Variants in CSNK1G3 observed in about 807,000 individuals in gnomAD.
CSNK1G3 encodes the protein casein kinase 1 gamma 3, also known as casein kinase I isoform gamma-3.
A neutral mutation model predicts 64.3 loss-of-function variants in CSNK1G3; 23 were observed. The ratio of observed to expected loss-of-function variants is 0.36; its 90% CI spans 0.26 to 0.51. CSNK1G3 has a LOEUF of 0.51. Among genes scored for constraint, CSNK1G3 ranks in the 20% least tolerant of loss-of-function variants. CSNK1G3 has a pLI of 0.96. For missense variants in CSNK1G3, 357 were observed against 510.5 expected (o/e 0.70, Z 2.90); for synonymous variants, 158 against 162.2 (o/e 0.97, Z 0.20).
rs1388183223 is a variant in CSNK1G3 at position 123,591,465 on chromosome 5, C to G, written c.1086+51C>G. 3 of 1,196,350 alleles carry G rather than the reference C, an allele frequency of 2.5e-6. No individual in the cohort carries two copies. In the African/African-American group the frequency reaches 4.7e-5, roughly 19 times the overall value. The allele number at this position is 1,196,350 out of a possible 1,614,324, so 74.1% of individuals were successfully genotyped here. A position where few individuals can be genotyped will look rare whatever the true frequency, so the allele number is the denominator to read the frequency against. On this transcript the variant is annotated intron_variant, in intron 10 of 12. Coordinates refer to ENST00000345990, the Ensembl canonical transcript of CSNK1G3. ...ACCTTCCTTTCATGATTGAAACATACACTTTTTTCTTCAATAGATAAAACA... is the reference window on the plus strand; with the variant it reads ...ACCTTCCTTTCATGATTGAAACATAGACTTTTTTCTTCAATAGATAAAACA...
chr5:123,591,563 A>G (rs1792375184), intron 10 of CSNK1G3, 149 bp downstream of exon 10: 1 of 535,970 alleles, frequency 1.9e-6, no homozygotes. Flanking sequence ...TATTAGTTTA[A>G]TAATAGCATT....
chr5:123,517,077 G>A (rs1367879884), intron 1 of CSNK1G3, among the ~76,000 whole-genome samples: 1 of 152,150 alleles, frequency 6.6e-6, no homozygotes, highest in Non-Finnish European at 1.5e-5. Flanking sequence ...CTTCATTTCA[G>A]AAGTTGCCGA....
intron 4 of CSNK1G3, among the ~76,000 whole-genome samples, chr5:123,565,343 T>C (rs1786651602): frequency 6.6e-6 from 1 of 152,208 alleles, no homozygotes; most frequent in Non-Finnish European, 1.5e-5. Flanking sequence ...CCTCAAGAGC[T>C]TCAGGCCACA....
chr5:123,587,152 C>G (rs1432107033), intron 6 of CSNK1G3, among the ~76,000 whole-genome samples: 1 of 152,166 alleles, frequency 6.6e-6, no homozygotes, highest in Admixed American at 6.5e-5. Flanking sequence ...CAGTAAAAAT[C>G]AAAACCTTTT....
At chr5:123,614,025 A>G (rs1159059888) in intron 12 of CSNK1G3, among the ~76,000 whole-genome samples, 1 of 152,222 alleles carries the variant, frequency 6.6e-6, no homozygotes, top group Admixed American at 6.5e-5. Flanking sequence ...TTCAACAGTC[A>G]CATATAAATA....
chr5:123,564,355 C>T (rs1786402557), intron 4 of CSNK1G3, among the ~76,000 whole-genome samples: 1 of 151,884 alleles, frequency 6.6e-6, no homozygotes, highest in African/African-American at 2.4e-5. Context: ...AAAAGCAAAC[C>T]ATACTTTTGA....
intron 2 of CSNK1G3, among the ~76,000 whole-genome samples, chr5:123,551,957 A>G (rs541185976): frequency 9.9e-5 from 15 of 152,098 alleles, no homozygotes; most frequent in Non-Finnish European, 2.1e-4. Flanking sequence ...AGTGCTTCCA[A>G]AATTCTCTTT....
intron 4 of CSNK1G3, among the ~76,000 whole-genome samples, chr5:123,568,824 C>T (rs150756984): frequency 3.3e-5 from 5 of 152,194 alleles, no homozygotes; most frequent in African/African-American, 4.8e-5. Context: ...TTTTTGAACT[C>T]GAATAAGAAA....
At chr5:123,540,829 G>A (rs1781564041) in intron 1 of CSNK1G3, among the ~76,000 whole-genome samples, 1 of 152,040 alleles carries the variant, frequency 6.6e-6, no homozygotes, top group African/African-American at 2.4e-5. Flanking sequence ...GTTTAACCAT[G>A]TTGGCCAGGC....
In CSNK1G3 at chr5:123,550,707, G is replaced by A. The variant is rs145535243; in HGVS notation, c.179-2400G>A. On this transcript the variant is annotated intron_variant, in intron 2 of 12. Coordinates refer to ENST00000345990, the Ensembl canonical transcript of CSNK1G3. Reference sequence around the variant, plus strand: ...AATTGGATTAAAACATCACTTAACCGGCACCAGTTTACTTGGATTTTTCTT... The same window carrying A: ...AATTGGATTAAAACATCACTTAACCAGCACCAGTTTACTTGGATTTTTCTT... Among the ~76,000 whole-genome samples the A allele has an allele frequency of 4.7e-4, 71 of 152,146 alleles. 1 individual carries two copies. In the East Asian group the frequency reaches 0.013, roughly 28 times the overall value.
chr5:123,536,701 T>C (rs536873176), intron 1 of CSNK1G3, among the ~76,000 whole-genome samples: 1 of 152,158 alleles, frequency 6.6e-6, no homozygotes, highest in African/African-American at 2.4e-5. Flanking sequence ...ATAAAACTTC[T>C]AAAATAAAAT....
At chr5:123,514,283 C>T (rs1776758448) in intron 1 of CSNK1G3, among the ~76,000 whole-genome samples, 2 of 152,212 alleles carry the variant, frequency 1.3e-5, no homozygotes. Context: ...TGCCATTCAT[C>T]AGCTTAAACA....
intron 1 of CSNK1G3, among the ~76,000 whole-genome samples, chr5:123,538,981 T>G (rs890612177): frequency 6.6e-6 from 1 of 152,174 alleles, no homozygotes; most frequent in African/African-American, 2.4e-5. Context: ...GTATTTAGGT[T>G]TATGATCCAT....
intron 4 of CSNK1G3, among the ~76,000 whole-genome samples, chr5:123,558,512 A>G (rs1785054700): frequency 6.6e-6 from 1 of 152,190 alleles, no homozygotes; most frequent in South Asian, 2.1e-4. Context: ...TTCTTCATGT[A>G]TCTTTTTGTA....
intron 2 of CSNK1G3, 113 bp downstream of exon 2, chr5:123,545,954 A>G (rs1009993133): frequency 2.2e-6 from 2 of 905,278 alleles, no homozygotes; most frequent in African/African-American, 3.4e-5. Context: ...TGGTTGTGGT[A>G]ATTTTAAAGA....
intron 3 of CSNK1G3, among the ~76,000 whole-genome samples, chr5:123,556,987 A>C (rs1284154767): frequency 3.3e-5 from 5 of 152,114 alleles, no homozygotes; most frequent in Non-Finnish European, 5.9e-5. Flanking sequence ...ATATGGAGTT[A>C]ATATGTATTT....
intron 1 of CSNK1G3, among the ~76,000 whole-genome samples, chr5:123,512,832 G>A (rs1278547952): frequency 6.6e-6 from 1 of 151,934 alleles, no homozygotes; most frequent in Non-Finnish European, 1.5e-5. Context: ...GGCCGCGGGT[G>A]GCGGGTCGGG....
intron 1 of CSNK1G3, among the ~76,000 whole-genome samples, chr5:123,532,202 C>G (rs917048448): frequency 1.3e-5 from 2 of 151,812 alleles, no homozygotes; most frequent in African/African-American, 4.8e-5. Context: ...TTTTGCCTGA[C>G]TACTATAAAG....
At chr5:123,591,886 A>T (rs1373707488) in intron 10 of CSNK1G3, among the ~76,000 whole-genome samples, 1 of 152,140 alleles carries the variant, frequency 6.6e-6, no homozygotes, top group Non-Finnish European at 1.5e-5. Context: ...AATCAGGCAT[A>T]CATGGATATG....
Sources: gnomAD v4.1 joint callset for allele counts (sites outside exome capture counted in the v4.1 genomes callset) on GRCh38, gnomAD v4.1.1 for gene constraint, MANE v1.5 for transcripts, NCBI Gene and HGNC (gene_info 2026-07-23, HGNC 2026-07-21) for gene names.